Variants in LUZP2 observed in about 807,000 individuals in gnomAD.
LUZP2 encodes the protein leucine zipper protein 2.
LUZP2 carries 52 observed loss-of-function variants against 51.6 expected under a neutral mutation model. The observed-to-expected ratio is 1.01, with a 90% CI of 0.81 to 1.27. The LOEUF is 1.27. Ranked by LOEUF, LUZP2 falls within the 50% of genes most tolerant of loss-of-function variation. The pLI is 0.00. For missense variants in LUZP2, 436 were observed against 395.4 expected, an observed-to-expected ratio of 1.10 and a Z score of -0.87; for synonymous variants, 154 against 137.3, an observed-to-expected ratio of 1.12 and a Z score of -0.85.
intron 9 of LUZP2, among the ~76,000 whole-genome samples, chr11:25,006,026 A>T (rs993154965): frequency 1.2e-4 from 18 of 152,260 alleles, no homozygotes; most frequent in Non-Finnish European, 2.5e-4. Flanking sequence ...TTATATGAAT[A>T]GGAAGGATAC....
At chr11:25,022,821 C>A (rs59752992) in intron 9 of LUZP2, among the ~76,000 whole-genome samples, 6,823 of 152,048 alleles carry the variant, frequency 0.045, 359 homozygotes, top group African/African-American at 0.12. Context: ...GAGATACGTC[C>A]CATCAATACC....
At chr11:24,949,968 CTTTT>C (rs34673656) in intron 7 of LUZP2, among the ~76,000 whole-genome samples, 8 of 119,846 alleles carry the variant, frequency 6.7e-5, no homozygotes, top group Admixed American at 1.7e-4. Context: ...TCTTTCTTTT[CTTTT>C]TTTTTTTTTT....
chr11:24,716,865 C>T (rs1858064110), intron 1 of LUZP2, among the ~76,000 whole-genome samples: 1 of 151,944 alleles, frequency 6.6e-6, no homozygotes, highest in Non-Finnish European at 1.5e-5. Flanking sequence ...CACTGCACTC[C>T]AGCCTGGGTG....
intron 5 of LUZP2, among the ~76,000 whole-genome samples, chr11:24,820,392 C>T (rs1032658349): frequency 2.6e-5 from 4 of 151,980 alleles, no homozygotes; most frequent in Admixed American, 6.6e-5. Context: ...GGAAAGACAC[C>T]GGTTCAAGGA....
chr11:24,919,816 G>C (rs1238155087), intron 7 of LUZP2, among the ~76,000 whole-genome samples: 1 of 150,882 alleles, frequency 6.6e-6, no homozygotes, highest in Non-Finnish European at 1.5e-5. Flanking sequence ...TAGTACAGGT[G>C]ATTTTCAAAA....
intron 1 of LUZP2, among the ~76,000 whole-genome samples, chr11:24,534,232 T>TAA (rs71445495): frequency 0.02 from 2,972 of 150,150 alleles, 119 homozygotes; most frequent in African/African-American, 0.068. Flanking sequence ...CTTCTGAGAT[T>TAA]AAAAAAAACA....
chr11:24,648,267 A>G (rs1855522021), intron 1 of LUZP2, among the ~76,000 whole-genome samples: 1 of 151,732 alleles, frequency 6.6e-6, no homozygotes, highest in African/African-American at 2.4e-5. Flanking sequence ...CAACCTGGTA[A>G]TTATAAGTAT....
At chr11:24,657,183 A>G (rs1023007653) in intron 1 of LUZP2, among the ~76,000 whole-genome samples, 3 of 152,208 alleles carry the variant, frequency 2.0e-5, no homozygotes, top group Non-Finnish European at 2.9e-5. Context: ...GTTGAGAGAT[A>G]ATGGAGGCAT....
At chr11:24,874,290 G>T (rs1852178169) in intron 5 of LUZP2, among the ~76,000 whole-genome samples, 1 of 152,126 alleles carries the variant, frequency 6.6e-6, no homozygotes, top group South Asian at 2.1e-4. Context: ...CCTGAGCTGG[G>T]GTCCAAGGGG....
At chr11:24,542,743 A>G (rs1851413129) in intron 1 of LUZP2, among the ~76,000 whole-genome samples, 1 of 151,904 alleles carries the variant, frequency 6.6e-6, no homozygotes, top group South Asian at 2.1e-4. Context: ...ATTCAAAAAA[A>G]ATAGATGTTC....
chr11:24,926,115 T>C (rs913262169), intron 7 of LUZP2, among the ~76,000 whole-genome samples: 16 of 151,646 alleles, frequency 1.1e-4, no homozygotes, highest in East Asian at 1.9e-4. Context: ...TGTGTTTGTG[T>C]GTGTATACAT....
chr11:24,742,009 T>G (rs943296990), intron 4 of LUZP2, among the ~76,000 whole-genome samples: 4 of 125,962 alleles, frequency 3.2e-5, no homozygotes, highest in Non-Finnish European at 4.6e-5. Context: ...ATATTATATA[T>G]AAATATAATT....
At chr11:24,767,649 T>A (rs1437557727) in intron 5 of LUZP2, among the ~76,000 whole-genome samples, 1 of 152,238 alleles carries the variant, frequency 6.6e-6, no homozygotes, top group Non-Finnish European at 1.5e-5. Flanking sequence ...CAAGCAACGA[T>A]AACGTCACTT....
At chr11:24,947,396 C>G (rs1040686655) in intron 7 of LUZP2, among the ~76,000 whole-genome samples, 1 of 151,734 alleles carries the variant, frequency 6.6e-6, no homozygotes, top group Non-Finnish European at 1.5e-5. Context: ...GAAAGGGAGG[C>G]AGTAGAGGCA....
intron 1 of LUZP2, among the ~76,000 whole-genome samples, chr11:24,565,523 A>C (rs1181176831): frequency 6.6e-6 from 1 of 152,188 alleles, no homozygotes; most frequent in Admixed American, 6.5e-5. Flanking sequence ...TGTTATGACC[A>C]TTTATACTTG....
intron 9 of LUZP2, among the ~76,000 whole-genome samples, chr11:25,003,508 C>T (rs957771070): frequency 3.9e-5 from 6 of 152,366 alleles, no homozygotes; most frequent in Admixed American, 1.3e-4. Context: ...ATGAGTCTAA[C>T]ATCTTGCACT....
At chr11:24,613,335 C>T (rs894647171) in intron 1 of LUZP2, among the ~76,000 whole-genome samples, 3 of 133,714 alleles carry the variant, frequency 2.2e-5, no homozygotes, top group African/African-American at 8.6e-5. Flanking sequence ...TGCACACACA[C>T]ACTCTCATGC....
chr11:24,855,330 A>G (rs1421661425), intron 5 of LUZP2, among the ~76,000 whole-genome samples: 1 of 152,148 alleles, frequency 6.6e-6, no homozygotes, highest in Non-Finnish European at 1.5e-5. Flanking sequence ...ATACACCAAT[A>G]ACAAACAAGC....
At position 24,893,765 on chromosome 11, in the gene LUZP2, TACAC is replaced by T. The variant is rs1400516587; in HGVS notation, c.397-12223_397-12220del. ...GCTGACACACAAACACATGCACAAATACACACGCACACACACACACACACACACA... is the reference window on the plus strand; with the variant it reads ...GCTGACACACAAACACATGCACAAATACGCACACACACACACACACACACA... On this transcript the variant is annotated intron_variant, in intron 5 of 11. Transcript: ENST00000336930. Among the ~76,000 whole-genome samples the T allele has an allele frequency of 2.8e-4, 21 of 74,900 alleles. No homozygotes were observed. In the South Asian group the frequency reaches 5.6e-3, roughly 20 times the overall value. 49.1% of individuals were successfully genotyped at this position (74,900 alleles called of 152,430 possible).
Sources: gnomAD v4.1 joint callset for allele counts (sites outside exome capture counted in the v4.1 genomes callset) on GRCh38, gnomAD v4.1.1 for gene constraint, MANE v1.5 for transcripts, NCBI Gene and HGNC (gene_info 2026-07-23, HGNC 2026-07-21) for gene names.